UGT1A9: variants seen among roughly 807,000 people sequenced by gnomAD.
UGT1A9 encodes the protein UDP glucuronosyltransferase family 1 member A9, also known as UDP-glucuronosyltransferase 1A9.
In UGT1A9, 35 loss-of-function variants were observed where a neutral mutation model predicts 45.0. That is an observed-to-expected ratio of 0.78 (90% CI 0.59 to 1.03). The LOEUF is 1.03. Among genes scored for constraint, UGT1A9 ranks in the 50% least tolerant of loss-of-function variants. The probability of loss-of-function intolerance (pLI) is 0.00; values close to 1 mark genes in which losing one functional copy is unlikely to be tolerated. For synonymous variants in UGT1A9, 278 were observed against 250.6 expected (o/e 1.11, Z -1.03); for missense variants, 687 against 666.6 (o/e 1.03, Z -0.34).
At chr2:233,768,582 CTTT>C (rs139595073) in intron 4 of UGT1A9, 143 bp downstream of exon 4, 59,155 of 999,984 alleles carry the variant, frequency 0.059, 10 homozygotes, top group East Asian at 0.12. Flanking sequence ...TTTATTTCTT[CTTT>C]TTTTTTTTTT....
rs28898606 is a variant in UGT1A9, at chr2:233,716,997, G to A, written c.855+44208G>A. Among the ~76,000 whole-genome samples, 1,356 of 152,258 alleles carry A rather than the reference G, an allele frequency of 8.9e-3. 31 individuals carry two copies. The highest frequency in any genetic ancestry group is 0.031 in the African/African-American group (1,268 of 41,526). On this transcript the variant is annotated intron_variant, in intron 1 of 4. Coordinates refer to ENST00000354728, the MANE Select transcript of UGT1A9 (RefSeq NM_021027.3). Reference sequence around the variant, plus strand: ...TCCCCACAGTCCTGCTGTCCTCAGGGCCCCTATGTCTCTGAAGGCACCACC... The same window carrying A: ...TCCCCACAGTCCTGCTGTCCTCAGGACCCCTATGTCTCTGAAGGCACCACC...
intron 1 of UGT1A9, chr2:233,755,763 T>G (rs1382676061): frequency 6.5e-6 from 1 of 152,928 alleles, no homozygotes; most frequent in Non-Finnish European, 1.5e-5. Context: ...TTTGCTTTTG[T>G]TCATCTGGAT....
At chr2:233,689,040 T>C (rs1410007859) in intron 1 of UGT1A9, among the ~76,000 whole-genome samples, 3 of 152,238 alleles carry the variant, frequency 2.0e-5, no homozygotes, top group Non-Finnish European at 4.4e-5. Context: ...AATCCTACTT[T>C]ATGTCTCTTC....
rs1187265864 is a variant in UGT1A9 at position 233,756,550 on chromosome 2, C to T, written c.856-10484C>T. Among the ~76,000 whole-genome samples the T allele has an allele frequency of 2.0e-5, 3 of 152,052 alleles. No homozygotes were observed. In the South Asian group the frequency reaches 6.2e-4, roughly 32 times the overall value. On this transcript the variant is annotated intron_variant, in intron 1 of 4. Transcript: ENST00000354728. ...TCACTTTTCTTGACTGCTAAAACAA[C>T]CAGGGAGATCCTCTCAGACAAAAGG...
Position 233,695,363 on chromosome 2 carries a change from G to A in UGT1A9, c.855+22574G>A, listed in dbSNP as rs375614605. ...ATGGTCTCAATCTCTTGACCTCGTGGTCCGCCCACCCCAGCCTCCCAAAGT... is the reference window on the plus strand; with the variant it reads ...ATGGTCTCAATCTCTTGACCTCGTGATCCGCCCACCCCAGCCTCCCAAAGT... On this transcript the variant is annotated intron_variant, in intron 1 of 4. Coordinates refer to ENST00000354728, the MANE Select transcript of UGT1A9 (RefSeq NM_021027.3). Among the ~76,000 whole-genome samples the A allele has an allele frequency of 4.4e-3, 673 of 151,584 alleles. 7 individuals carry two copies. Among genetic ancestry groups the A allele is most frequent in the African/African-American group, 0.016 (648 of 41,388 alleles).
At chr2:233,744,159 G>A (rs958752952) in intron 1 of UGT1A9, 17 of 293,374 alleles carry the variant, frequency 5.8e-5, no homozygotes, top group African/African-American at 2.9e-4. Context: ...ACCAGGCCCC[G>A]CCCACTCCGG....
chr2:233,728,546 C>T (rs2008595), intron 1 of UGT1A9, among the ~76,000 whole-genome samples: 83,886 of 152,146 alleles, frequency 0.55, 25,265 homozygotes, highest in African/African-American at 0.81. Context: ...AGAGTCCTCT[C>T]TGATCCTTAC....
intron 1 of UGT1A9, chr2:233,690,588 G>GAAA: frequency 6.2e-6 from 7 of 1,125,214 alleles, no homozygotes; most frequent in Admixed American, 5.3e-5. Context: ...CAATCCCTGA[G>GAAA]AAAAAAAAAA....
chr2:233,721,761 G>A, intron 1 of UGT1A9: 1 of 472,552 alleles, frequency 2.1e-6, no homozygotes. Flanking sequence ...CATCTAAATT[G>A]TTATATTTAG....
chr2:233,682,295 T>C, intron 1 of UGT1A9: 1 of 1,614,178 alleles, frequency 6.2e-7, no homozygotes, highest in Non-Finnish European at 8.5e-7. Context: ...TTTTGACTTA[T>C]TTTTTTCAAA....
At chr2:233,729,488 C>T (rs768406163) in intron 1 of UGT1A9, 3 of 1,614,180 alleles carry the variant, frequency 1.9e-6, no homozygotes, top group South Asian at 2.2e-5. Context: ...AACAATATGT[C>T]TTTGGTCTAT....
chr2:233,740,981 G>T (rs1424238424), intron 1 of UGT1A9: 1 of 151,674 alleles, frequency 6.6e-6, no homozygotes, highest in African/African-American at 2.4e-5. Flanking sequence ...TAGCTACTGG[G>T]AATGCTGAGG....
At chr2:233,739,626 A>G (rs1691159649) in intron 1 of UGT1A9, among the ~76,000 whole-genome samples, 1 of 152,210 alleles carries the variant, frequency 6.6e-6, no homozygotes, top group Non-Finnish European at 1.5e-5. Flanking sequence ...CTCCCATTTG[A>G]AATGGGAACA....
rs376676972 is a variant in UGT1A9, at chr2:233,729,353, C to T, written c.856-37681C>T. On this transcript the variant is annotated intron_variant, in intron 1 of 4. Coordinates refer to ENST00000354728, the MANE Select transcript of UGT1A9 (RefSeq NM_021027.3). ...CACATCAAAGAAGAGAACTTTTTCACCCTGACAACCTATGCCATTTCGTGG... is the reference window on the plus strand; with the variant it reads ...CACATCAAAGAAGAGAACTTTTTCATCCTGACAACCTATGCCATTTCGTGG... 2.5e-5 allele frequency: 40 copies of T among 1,614,044 alleles called. No individual in the cohort carries two copies. The African/African-American group carries it at 5.1e-4, about 20-fold the overall frequency.
At chr2:233,702,484 C>A (rs78147153) in intron 1 of UGT1A9, among the ~76,000 whole-genome samples, 2,743 of 152,176 alleles carry the variant, frequency 0.018, 79 homozygotes, top group African/African-American at 0.062. Context: ...CTGGCTTGAA[C>A]CTCTAGTACC....
At chr2:233,720,401 G>T (rs2076855672) in intron 1 of UGT1A9, among the ~76,000 whole-genome samples, 1 of 152,026 alleles carries the variant, frequency 6.6e-6, no homozygotes, top group African/African-American at 2.4e-5. Flanking sequence ...ATCAAGAGTG[G>T]GTGGAAGGGA....
intron 1 of UGT1A9, among the ~76,000 whole-genome samples, chr2:233,717,439 G>A (rs542098595): frequency 2.9e-4 from 44 of 152,272 alleles, no homozygotes; most frequent in Non-Finnish European, 5.4e-4. Flanking sequence ...TCTGATGGAC[G>A]CATCCATTCA....
chr2:233,760,908 G>A lies in UGT1A9; in HGVS notation c.856-6126G>A, dbSNP rs1697607352. On this transcript the variant is annotated intron_variant, in intron 1 of 4. Coordinates refer to ENST00000354728, the MANE Select transcript of UGT1A9 (RefSeq NM_021027.3). ...CTCATTCAGATCACATGACCTTCCT[G>A]CAGCGGGTGAAGAACATGCTCATTG... 7 of 1,614,034 alleles carry A rather than the reference G, an allele frequency of 4.3e-6. No individual in the cohort carries two copies. The Middle Eastern group carries it at 6.6e-4, about 152-fold the overall frequency.
At chr2:233,755,280 C>A in intron 1 of UGT1A9, 2 of 709,720 alleles carry the variant, frequency 2.8e-6, no homozygotes, top group Non-Finnish European at 4.3e-6. Flanking sequence ...GCTGGACTGC[C>A]AAAGAGCCTG....
Sources: gnomAD v4.1 joint callset for allele counts (sites outside exome capture counted in the v4.1 genomes callset) on GRCh38, gnomAD v4.1.1 for gene constraint, MANE v1.5 for transcripts, NCBI Gene and HGNC (gene_info 2026-07-23, HGNC 2026-07-21) for gene names.